TCF7L2: variants seen among roughly 807,000 people sequenced by gnomAD.
TCF7L2 encodes the protein transcription factor 7 like 2.
TCF7L2 carries 23 observed loss-of-function variants against 77.9 expected under a neutral mutation model. The observed-to-expected ratio is 0.30, with a 90% CI of 0.21 to 0.42. The LOEUF is 0.42. TCF7L2 is among the 10% of genes least tolerant of loss of function. The probability of loss-of-function intolerance (pLI) is 1.00; values close to 1 mark genes in which losing one functional copy is unlikely to be tolerated. For synonymous variants in TCF7L2, 413 were observed against 340.2 expected, an observed-to-expected ratio of 1.21 and a Z score of -2.36; for missense variants, 654 against 793.1, an observed-to-expected ratio of 0.82 and a Z score of 2.11.
rs867968708 is a variant in TCF7L2, at chr10:112,961,265, C to T, written c.382-3291C>T. 1.1e-4 allele frequency among the ~76,000 whole-genome samples: 15 copies of T among 134,918 alleles called. 3 individuals carry two copies. The East Asian group carries it at 3.2e-3, about 29-fold the overall frequency. 88.5% of individuals were successfully genotyped at this position (134,918 alleles called of 152,430 possible). A position where few individuals can be genotyped will look rare whatever the true frequency, so the allele number is the denominator to read the frequency against. The stretch of plus-strand genomic sequence containing the variant: ...CCCGACCTCAGGTGACCCCCCCCCC[C>T]CCAACCTCGGCCTTCCAAAGCGCTG... On this transcript the variant is annotated intron_variant, in intron 3 of 13. Transcript: ENST00000627217.
intron 5 of TCF7L2, among the ~76,000 whole-genome samples, chr10:113,060,063 C>T (rs2056176889): frequency 6.6e-6 from 1 of 152,212 alleles, no homozygotes; most frequent in Admixed American, 6.5e-5. Flanking sequence ...TTTCTGATAA[C>T]ATTTACATCT....
At chr10:113,086,187 C>T (rs1324441939) in intron 5 of TCF7L2, among the ~76,000 whole-genome samples, 2 of 152,230 alleles carry the variant, frequency 1.3e-5, no homozygotes, top group Non-Finnish European at 2.9e-5. Context: ...TTCCCACATC[C>T]TCCCTTGATT....
chr10:112,973,859 G>T (rs1227354969), intron 4 of TCF7L2, among the ~76,000 whole-genome samples: 13 of 152,230 alleles, frequency 8.5e-5, no homozygotes, highest in Admixed American at 4.6e-4. Context: ...CAAAGTACTG[G>T]GATTATAGGT....
intron 4 of TCF7L2, among the ~76,000 whole-genome samples, chr10:112,999,058 C>A (rs1204436304): frequency 6.6e-6 from 1 of 152,160 alleles, no homozygotes; most frequent in Non-Finnish European, 1.5e-5. Flanking sequence ...ATTCTGTCTC[C>A]CAGGCTGGAG....
chr10:112,999,351 C>T lies in TCF7L2; in HGVS notation c.450+34727C>T, dbSNP rs377721027. 1.1e-4 allele frequency among the ~76,000 whole-genome samples: 17 copies of T among 152,246 alleles called. No homozygotes were observed. The East Asian group carries it at 1.2e-3, about 10-fold the overall frequency. The stretch of plus-strand genomic sequence containing the variant: ...GGAGAGGCAGGGAGGCACCTTGTAG[C>T]GCACTAGGCGTTGGGCCTGAACAAG... On this transcript the variant is annotated intron_variant, in intron 4 of 13. Transcript: ENST00000627217.
intron 5 of TCF7L2, among the ~76,000 whole-genome samples, chr10:113,137,061 C>CT (rs2067526211): frequency 6.6e-6 from 1 of 151,722 alleles, no homozygotes; most frequent in South Asian, 2.1e-4. Flanking sequence ...CTGTGGCAAT[C>CT]TCATTTATTG....
At chr10:113,110,254 C>G (rs1371751709) in intron 5 of TCF7L2, among the ~76,000 whole-genome samples, 1 of 151,734 alleles carries the variant, frequency 6.6e-6, no homozygotes, top group Non-Finnish European at 1.5e-5. Context: ...GTTCTAATAA[C>G]TTTTTCATCA....
intron 13 of TCF7L2, among the ~76,000 whole-genome samples, chr10:113,164,014 C>G (rs564764492): frequency 6.6e-6 from 1 of 152,334 alleles, no homozygotes; most frequent in Admixed American, 6.5e-5. Flanking sequence ...CTTCCAGCGG[C>G]AGAAAGCTGG....
chr10:113,165,953 T>C lies in TCF7L2; in HGVS notation c.1790T>C (p.Val597Ala), dbSNP rs1044349184. The C allele has an allele frequency of 3.9e-6, 6 of 1,533,080 alleles. No homozygotes were observed. Among genetic ancestry groups the C allele is most frequent in the African/African-American group, 2.8e-5 (2 of 71,986 alleles). The allele number at this position is 1,533,080 out of a possible 1,614,324, so 95.0% of individuals were successfully genotyped here. Reference sequence around the variant, plus strand: ...ACCCAGCCCCAGCCGCTGTCGCTCGTCACCAAGTCTTTAGAATAGCTTTAG... The same window carrying C: ...ACCCAGCCCCAGCCGCTGTCGCTCGCCACCAAGTCTTTAGAATAGCTTTAG... The change falls in exon 14 of 14, where the codon GTC (valine) becomes GCC (alanine). Residue 597 changes from valine to alanine, a missense_variant. Coordinates refer to ENST00000627217, the MANE Select transcript of TCF7L2 (RefSeq NM_001146274.2).
chr10:113,154,949 TA>T (rs58090467), intron 11 of TCF7L2, among the ~76,000 whole-genome samples: 9,717 of 151,930 alleles, frequency 0.064, 1,040 homozygotes, highest in African/African-American at 0.22. Context: ...CTGAAGCTTT[TA>T]TGGATTTGAA....
At chr10:113,061,652 TC>T (rs1411800331) in intron 5 of TCF7L2, among the ~76,000 whole-genome samples, 1 of 152,206 alleles carries the variant, frequency 6.6e-6, no homozygotes, top group Non-Finnish European at 1.5e-5. Context: ...AATTTGCTCT[TC>T]CGTGGAGATG....
intron 5 of TCF7L2, among the ~76,000 whole-genome samples, chr10:113,092,580 C>CT (rs1468744335): frequency 6.6e-6 from 1 of 152,210 alleles, no homozygotes; most frequent in Non-Finnish European, 1.5e-5. Flanking sequence ...CTAGTACCTA[C>CT]TTCAAGAATT....
intron 5 of TCF7L2, among the ~76,000 whole-genome samples, chr10:113,079,411 C>T (rs1299332528): frequency 2.6e-5 from 4 of 152,170 alleles, no homozygotes; most frequent in Non-Finnish European, 5.9e-5. Flanking sequence ...CAGTTCTGAT[C>T]GCCACCCTGC....
chr10:112,962,934 T>G (rs1199083835), intron 3 of TCF7L2, among the ~76,000 whole-genome samples: 1 of 152,110 alleles, frequency 6.6e-6, no homozygotes, highest in Non-Finnish European at 1.5e-5. Context: ...TGAGTATGTG[T>G]GGGGGGCTGT....
chr10:112,964,135 CA>C (rs1462208309), intron 3 of TCF7L2, among the ~76,000 whole-genome samples: 1 of 152,126 alleles, frequency 6.6e-6, no homozygotes, highest in Non-Finnish European at 1.5e-5. Flanking sequence ...TGTGGCTTCT[CA>C]TAATCTTTTC....
At chr10:113,117,364 T>G in intron 5 of TCF7L2, among the ~76,000 whole-genome samples, 1 of 140,962 alleles carries the variant, frequency 7.1e-6, no homozygotes. Flanking sequence ...TTGAAGGGAT[T>G]TTCTCTCTCT....
intron 5 of TCF7L2, among the ~76,000 whole-genome samples, chr10:113,098,250 A>C (rs2061272206): frequency 6.6e-6 from 1 of 151,866 alleles, no homozygotes; most frequent in Admixed American, 6.6e-5. Context: ...TGGGACAGCA[A>C]AATCTACAAG....
intron 5 of TCF7L2, among the ~76,000 whole-genome samples, chr10:113,124,143 G>T (rs1479651935): frequency 6.6e-6 from 1 of 152,150 alleles, no homozygotes; most frequent in African/African-American, 2.4e-5. Flanking sequence ...AAAGGGGAGG[G>T]TGTAAAGATA....
intron 4 of TCF7L2, among the ~76,000 whole-genome samples, chr10:113,003,093 G>A (rs934754770): frequency 2.2e-4 from 33 of 152,202 alleles, no homozygotes; most frequent in African/African-American, 6.5e-4. Context: ...GCCTGATTAT[G>A]TATGGGCAAA....
Sources: gnomAD v4.1 joint callset for allele counts (sites outside exome capture counted in the v4.1 genomes callset) on GRCh38, gnomAD v4.1.1 for gene constraint, MANE v1.5 for transcripts, NCBI Gene and HGNC (gene_info 2026-07-23, HGNC 2026-07-21) for gene names.